The following CTNNA3 variants were observed in gnomAD, a reference collection of about 807,000 sequenced individuals.
CTNNA3 encodes catenin alpha-3.
In CTNNA3, 76 loss-of-function variants were observed where a neutral mutation model predicts 95.7. The observed-to-expected ratio is 0.79, with a 90% CI of 0.66 to 0.96. The LOEUF is 0.96. Ranked by LOEUF, CTNNA3 falls within the 40% of genes least tolerant of loss-of-function variation. The probability of loss-of-function intolerance (pLI) is 0.00; values close to 1 mark genes in which losing one functional copy is unlikely to be tolerated. For missense variants in CTNNA3, 1,191 were observed against 1,089.8 expected (o/e 1.09, Z -1.31); for synonymous variants, 431 against 374.4 (o/e 1.15, Z -1.74).
rs373506210 is a variant in CTNNA3, at chr10:66,961,791, C to T, written c.1048-186267G>A. On this transcript the variant is annotated intron_variant, in intron 7 of 17. Transcript: ENST00000433211. ...CTTAATAGACATTTCAAACTTAATACATGCAAAGTGACTATCCTGATCTTC... is the reference window on the plus strand; with the variant it reads ...CTTAATAGACATTTCAAACTTAATATATGCAAAGTGACTATCCTGATCTTC... Among the ~76,000 whole-genome samples the T allele has an allele frequency of 5.1e-4, 78 of 152,230 alleles. No homozygotes were observed. In the South Asian group the frequency reaches 0.016, roughly 31 times the overall value.
At chr10:66,849,471 G>A (rs1405422332) in intron 7 of CTNNA3, among the ~76,000 whole-genome samples, 1 of 152,124 alleles carries the variant, frequency 6.6e-6, no homozygotes, top group African/African-American at 2.4e-5. Context: ...CAAAATTCAT[G>A]TCAACCTGGA....
intron 2 of CTNNA3, among the ~76,000 whole-genome samples, chr10:67,638,585 A>C (rs567949376): frequency 1.8e-4 from 27 of 152,258 alleles, no homozygotes; most frequent in South Asian, 1.5e-3. Context: ...TGCACTTATT[A>C]CAAAATTGAC....
chr10:66,379,588 G>A (rs2092821376), intron 11 of CTNNA3, among the ~76,000 whole-genome samples: 1 of 152,082 alleles, frequency 6.6e-6, no homozygotes, highest in Admixed American at 6.6e-5. Flanking sequence ...TGTATTGACT[G>A]CATATTATTT....
intron 17 of CTNNA3, among the ~76,000 whole-genome samples, chr10:65,958,960 C>T (rs10996794): frequency 0.03 from 4,568 of 152,284 alleles, 88 homozygotes; most frequent in Middle Eastern, 0.092. Flanking sequence ...GTTTCTGCTG[C>T]CTTTTGTTCA....
At chr10:66,054,050 G>A (rs1178873989) in intron 15 of CTNNA3, among the ~76,000 whole-genome samples, 1 of 152,090 alleles carries the variant, frequency 6.6e-6, no homozygotes, top group Non-Finnish European at 1.5e-5. Context: ...TGTTGCAAAT[G>A]ACAGGATTTC....
At chr10:66,216,459 G>A (rs184179162) in intron 13 of CTNNA3, among the ~76,000 whole-genome samples, 7 of 152,278 alleles carry the variant, frequency 4.6e-5, no homozygotes, top group Non-Finnish European at 7.4e-5. Flanking sequence ...TCTTCCTTTG[G>A]CCTCTTAGCC....
intron 5 of CTNNA3, among the ~76,000 whole-genome samples, chr10:67,381,380 T>C (rs1843938617): frequency 6.6e-6 from 1 of 152,180 alleles, no homozygotes; most frequent in South Asian, 2.1e-4. Context: ...GTCCCACATA[T>C]TCTAATCCAA....
chr10:67,197,197 A>G (rs1904648), intron 6 of CTNNA3, among the ~76,000 whole-genome samples: 58,638 of 151,976 alleles, frequency 0.39, 15,996 homozygotes, highest in African/African-American at 0.78. Flanking sequence ...TTAAACAAAC[A>G]TTTGAATAGT....
chr10:66,003,539 G>A (rs1291744658), intron 15 of CTNNA3, among the ~76,000 whole-genome samples: 1 of 151,954 alleles, frequency 6.6e-6, no homozygotes, highest in Admixed American at 6.5e-5. Flanking sequence ...AAAATCCCAA[G>A]AAAAAACACA....
At chr10:67,554,112 G>C (rs898147210) in intron 3 of CTNNA3, among the ~76,000 whole-genome samples, 13 of 152,168 alleles carry the variant, frequency 8.5e-5, no homozygotes, top group Non-Finnish European at 1.8e-4. Context: ...TGGCTGCATA[G>C]TATTCCATGG....
chr10:66,348,328 TA>T (rs1294003876), intron 12 of CTNNA3, among the ~76,000 whole-genome samples: 1 of 152,144 alleles, frequency 6.6e-6, no homozygotes, highest in Non-Finnish European at 1.5e-5. Flanking sequence ...CCCTATAATT[TA>T]ATTAGCCGAT....
intron 13 of CTNNA3, among the ~76,000 whole-genome samples, chr10:66,277,593 A>T (rs1054041647): frequency 2.0e-5 from 3 of 152,136 alleles, no homozygotes; most frequent in Admixed American, 2.0e-4. Flanking sequence ...CTAAGTGAGA[A>T]TTTATTTTTA....
chr10:66,060,734 T>A (rs1005933829), intron 15 of CTNNA3, among the ~76,000 whole-genome samples: 1 of 152,106 alleles, frequency 6.6e-6, no homozygotes, highest in Non-Finnish European at 1.5e-5. Flanking sequence ...CAGCCCAGCA[T>A]AATTCCAGAT....
intron 3 of CTNNA3, among the ~76,000 whole-genome samples, chr10:67,602,172 T>C (rs1402001439): frequency 7.4e-6 from 1 of 135,030 alleles, no homozygotes; most frequent in Non-Finnish European, 1.6e-5. Flanking sequence ...CTTCACCTTA[T>C]GCCACTGGAC....
chr10:67,019,145 C>A (rs1852835152), intron 7 of CTNNA3, among the ~76,000 whole-genome samples: 1 of 152,152 alleles, frequency 6.6e-6, no homozygotes, highest in South Asian at 2.1e-4. Flanking sequence ...AACAGGATAT[C>A]AATACTACCT....
At chr10:67,440,372 C>T (rs936231827) in intron 5 of CTNNA3, among the ~76,000 whole-genome samples, 10 of 152,146 alleles carry the variant, frequency 6.6e-5, no homozygotes, top group Non-Finnish European at 1.3e-4. Flanking sequence ...GAATCCCTGG[C>T]TCCTAGACAG....
intron 1 of CTNNA3, among the ~76,000 whole-genome samples, chr10:67,738,141 A>G (rs1841313518): frequency 6.6e-6 from 1 of 152,210 alleles, no homozygotes. Flanking sequence ...CTGTTAAAAC[A>G]AAACAAACAG....
At chr10:67,339,180 A>G (rs993929074) in intron 5 of CTNNA3, among the ~76,000 whole-genome samples, 7 of 152,300 alleles carry the variant, frequency 4.6e-5, no homozygotes, top group African/African-American at 1.7e-4. Context: ...CTCATTCTTC[A>G]GGATAAATTC....
intron 7 of CTNNA3, among the ~76,000 whole-genome samples, chr10:67,006,996 AT>A (rs1852031207): frequency 6.6e-6 from 1 of 152,082 alleles, no homozygotes; most frequent in African/African-American, 2.4e-5. Context: ...GGGTTTCACC[AT>A]GTTGGCCAGG....
Sources: allele counts gnomAD v4.1 joint callset (sites outside exome capture counted in the v4.1 genomes callset), GRCh38; gene constraint gnomAD v4.1.1; transcripts MANE v1.5; gene names NCBI Gene and HGNC (gene_info 2026-07-23, HGNC 2026-07-21).